ZSCAN1: variants seen among roughly 807,000 people sequenced by gnomAD.
The protein encoded by ZSCAN1 is zinc finger and SCAN domain containing 1.
ZSCAN1 carries 23 observed loss-of-function variants against 23.8 expected under a neutral mutation model. The ratio of observed to expected loss-of-function variants is 0.97; its 90% confidence interval spans 0.70 to 1.37. The LOEUF (loss-of-function observed/expected upper bound fraction) is 1.37, where lower values mean the gene tolerates loss of function less well. ZSCAN1 is among the 40% of genes most tolerant of loss of function. ZSCAN1 has a pLI of 0.00. For missense variants in ZSCAN1, 575 were observed against 554.0 expected (o/e 1.04, Z -0.38); for synonymous variants, 236 against 232.3 (o/e 1.02, Z -0.15).
intron 4 of ZSCAN1, among the ~76,000 whole-genome samples, chr19:58,051,821 CT>C (rs1039016924): frequency 6.6e-6 from 1 of 152,244 alleles, no homozygotes; most frequent in Non-Finnish European, 1.5e-5. Context: ...AGAGCTAAAG[CT>C]CCTCATCCAG....
chr19:58,053,659 A>G lies in ZSCAN1; in HGVS notation c.835A>G (p.Ile279Val). ...KGGTQEAVAG[I>V]SVVPRGPRGG... The stretch of plus-strand genomic sequence containing the variant: ...TGGTACCCAAGAGGCTGTTGCAGGC[A>G]TCTCGGTAGTGCCGCGTGGGCCCCG... The change falls in exon 6 of 6, where the codon ATC becomes GTC. Residue 279 changes from isoleucine to valine, a missense_variant. Physicochemically the swap from Ile to Val is conservative, Grantham distance 29. Transcript: ENST00000282326. The surrounding 1 kb of genome is among the most constrained non-coding windows in gnomAD (Gnocchi z 5.8). 6.2e-7 allele frequency: 1 copy of G among 1,614,146 alleles called. No individual in the cohort carries two copies. Among genetic ancestry groups the G allele is most frequent in the Non-Finnish European group, 8.5e-7 (1 of 1,180,030 alleles).
At chr19:58,046,614 C>T (rs1568604544) in intron 4 of ZSCAN1, 7 of 841,722 alleles carry the variant, frequency 8.3e-6, no homozygotes, top group South Asian at 2.7e-5. Context: ...GCAAGGTCAA[C>T]GTCGACCACC....
At chr19:58,038,431 C>T (rs2123420837) in intron 3 of ZSCAN1, 1 of 630,146 alleles carries the variant, frequency 1.6e-6, no homozygotes, top group Non-Finnish European at 2.8e-6. Context: ...TTAAAGATCC[C>T]TCCATTTCCC....
Position 58,045,079 on chromosome 19 carries a change from AC to A in ZSCAN1, c.465+4537del. The A allele has an allele frequency of 8.3e-7, 1 of 1,198,220 alleles. No individual in the cohort carries two copies. The highest frequency in any genetic ancestry group is 1.2e-6 in the Non-Finnish European group (1 of 804,910). The allele number at this position is 1,198,220 out of a possible 1,614,324, so 74.2% of individuals were successfully genotyped here. A position where few individuals can be genotyped will look rare whatever the true frequency, so the allele number is the denominator to read the frequency against. ...GTGCTGGGCGAGCTGAGGCACTACT[AC>A]CATGGCTTCCGCCTGCTACGGATCC... On this transcript the variant is annotated intron_variant, in intron 4 of 5. Coordinates refer to ENST00000282326, the MANE Select transcript of ZSCAN1 (RefSeq NM_182572.4). This position sits in a 1 kb window ranked among gnomAD's most constrained non-coding sequence, Gnocchi z 4.3.
chr19:58,039,845 G>T (rs1450702446), intron 3 of ZSCAN1, among the ~76,000 whole-genome samples: 2 of 149,388 alleles, frequency 1.3e-5, no homozygotes, highest in African/African-American at 4.9e-5. Context: ...TAGTCCTGTT[G>T]TCCCCCGCTC....
Position 58,053,418 on chromosome 19 carries a change from G to C in ZSCAN1, c.605-11G>C, listed in dbSNP as rs746289719. ...TCACTACAGGTGACCCATCTCCCTC[G>C]CCCTCCACAGGGTCCCGGGCCCGCT... is the stretch of plus-strand genomic sequence containing the variant. On this transcript the variant is annotated splice_polypyrimidine_tract_variant and intron_variant, in intron 5 of 5. Transcript: ENST00000282326. The surrounding 1 kb of genome is among the most constrained non-coding windows in gnomAD (Gnocchi z 5.8). The C allele has an allele frequency of 3.7e-6, 6 of 1,600,650 alleles. No homozygotes were observed. Among genetic ancestry groups the C allele is most frequent in the Non-Finnish European group, 3.4e-6 (4 of 1,171,240 alleles).
In ZSCAN1 at chr19:58,040,556, G is replaced by C; in HGVS notation, c.465+12G>C. Reference sequence around the variant, plus strand: ...AAGAACCATCGCAGGTGAGCCCGGGGCCCCCAGCTCCGTGCTCCTGCACCC... The same window carrying C: ...AAGAACCATCGCAGGTGAGCCCGGGCCCCCCAGCTCCGTGCTCCTGCACCC... On this transcript the variant is annotated intron_variant, in intron 4 of 5. Transcript: ENST00000282326. The surrounding 1 kb of genome is among the most constrained non-coding windows in gnomAD (Gnocchi z 5.8). 1.9e-6 allele frequency: 3 copies of C among 1,612,940 alleles called. No individual in the cohort carries two copies. Among genetic ancestry groups the C allele is most frequent in the Non-Finnish European group, 2.5e-6 (3 of 1,179,824 alleles).
chr19:58,046,936 A>G (rs1012838232), intron 4 of ZSCAN1, among the ~76,000 whole-genome samples: 12 of 152,192 alleles, frequency 7.9e-5, no homozygotes, highest in Non-Finnish European at 2.9e-5. Context: ...CGGAGCTTCA[A>G]TCTGTCTGGA....
At position 58,054,238 on chromosome 19, in the gene ZSCAN1, TC is replaced by T; in HGVS notation, c.*190del. 2 of 696,476 alleles carry T rather than the reference TC, an allele frequency of 2.9e-6. No homozygotes were observed. The highest frequency in any genetic ancestry group is 2.2e-6 in the Non-Finnish European group (1 of 445,462). The allele number at this position is 696,476 out of a possible 1,614,324, so 43.1% of individuals were successfully genotyped here. On this transcript the variant is annotated 3_prime_UTR_variant, in exon 6 of 6. Coordinates refer to ENST00000282326, the MANE Select transcript of ZSCAN1 (RefSeq NM_182572.4). This position sits in a 1 kb window ranked among gnomAD's most constrained non-coding sequence, Gnocchi z 4.2. ...CCGAAGCCAAGCACGGGATGGGGCT[TC>T]CCAGGGTCTCAGCTGAGAAGCAGCA...
chr19:58,040,318 G>A lies in ZSCAN1; in HGVS notation c.371-132G>A, dbSNP rs1599901373. 1 of 904,238 alleles carries A rather than the reference G, an allele frequency of 1.1e-6. No homozygotes were observed. The highest frequency in any genetic ancestry group is 1.7e-6 in the Non-Finnish European group (1 of 574,806). The allele number at this position is 904,238 out of a possible 1,614,324, so 56.0% of individuals were successfully genotyped here. The stretch of plus-strand genomic sequence containing the variant: ...CATGGAGGGACAGAATGACAGCCCT[G>A]CAGCCACTCTTGCCTGCGCCTCAGG... On this transcript the variant is annotated intron_variant, in intron 3 of 5. Coordinates refer to ENST00000282326, the MANE Select transcript of ZSCAN1 (RefSeq NM_182572.4). The surrounding 1 kb of genome is among the most constrained non-coding windows in gnomAD (Gnocchi z 5.8).
rs901275001 is a variant in ZSCAN1, at chr19:58,049,398, C to T, written c.466-3092C>T. ...ACCATCATCCGGCAGATCTTGGATC[C>T]CTCTGCGATTTCCTCTGTATTGGTT... On this transcript the variant is annotated intron_variant, in intron 4 of 5. Transcript: ENST00000282326. The surrounding 1 kb of genome is among the most constrained non-coding windows in gnomAD (Gnocchi z 4.5). 3.3e-5 allele frequency: 5 copies of T among 152,270 alleles called. No homozygotes were observed. Among genetic ancestry groups the T allele is most frequent in the African/African-American group, 1.2e-4 (5 of 41,416 alleles). The allele number at this position is 152,270 out of a possible 1,614,324, so 9.4% of individuals were successfully genotyped here.
chr19:58,044,811 G>A, intron 4 of ZSCAN1: 1 of 734,266 alleles, frequency 1.4e-6, no homozygotes. Flanking sequence ...GTTGGACTCT[G>A]AGGCCCGAGT....
In ZSCAN1 at chr19:58,047,869, G is replaced by C. The variant is rs1312661388; in HGVS notation, c.466-4621G>C. Among the ~76,000 whole-genome samples, 1 of 152,232 alleles carries C rather than the reference G, an allele frequency of 6.6e-6. No homozygotes were observed. The highest frequency in any genetic ancestry group is 1.5e-5 in the Non-Finnish European group (1 of 68,042). ...TGGGGTGGCCTCCCTGCACTCGGCA[G>C]CATGGTCGGGCTGGCGAGGGCGTGG... On this transcript the variant is annotated intron_variant, in intron 4 of 5. Transcript: ENST00000282326. The surrounding 1 kb of genome is among the most constrained non-coding windows in gnomAD (Gnocchi z 4.9).
In ZSCAN1 at chr19:58,045,072, CACT is replaced by C; in HGVS notation, c.465+4534_465+4536del. On this transcript the variant is annotated intron_variant, in intron 4 of 5. Transcript: ENST00000282326. The surrounding 1 kb of genome is among the most constrained non-coding windows in gnomAD (Gnocchi z 4.3). Reference sequence around the variant, plus strand: ...AGAGAGGGTGCTGGGCGAGCTGAGGCACTACTACCATGGCTTCCGCCTGCTACG... The same window carrying C: ...AGAGAGGGTGCTGGGCGAGCTGAGGCACTACCATGGCTTCCGCCTGCTACG... 1.7e-6 allele frequency: 2 copies of C among 1,155,782 alleles called. No individual in the cohort carries two copies. Among genetic ancestry groups the C allele is most frequent in the South Asian group, 2.5e-5 (2 of 81,042 alleles). The allele number at this position is 1,155,782 out of a possible 1,614,324, so 71.6% of individuals were successfully genotyped here.
intron 4 of ZSCAN1, among the ~76,000 whole-genome samples, chr19:58,043,220 C>T (rs1462808603): frequency 6.6e-6 from 1 of 152,250 alleles, no homozygotes; most frequent in African/African-American, 2.4e-5. Context: ...CATACAACCG[C>T]CTACCATCGG....
In ZSCAN1 at chr19:58,053,693, G is replaced by A. The variant is rs1486181551; in HGVS notation, c.869G>A (p.Arg290Gln). Reference protein sequence around the residue: ...SVVPRGPRGGRPFQCADCGMV... With the variant: ...SVVPRGPRGGQPFQCADCGMV... ...GTGCCGCGTGGGCCCCGAGGTGGGC[G>A]GCCCTTCCAGTGTGCCGACTGTGGG... Residue 290 changes from arginine (R) to glutamine (Q), a missense_variant, in exon 6 of 6, where the codon CGG becomes CAG. Coordinates refer to ENST00000282326, the MANE Select transcript of ZSCAN1 (RefSeq NM_182572.4). The surrounding 1 kb of genome is among the most constrained non-coding windows in gnomAD (Gnocchi z 5.8). The A allele has an allele frequency of 8.7e-6, 14 of 1,614,032 alleles. No individual in the cohort carries two copies. Among genetic ancestry groups the A allele is most frequent in the Non-Finnish European group, 1.1e-5 (13 of 1,180,030 alleles).
chr19:58,038,267 G>A (rs1052175492), intron 3 of ZSCAN1, 61 bp downstream of exon 3: 5 of 1,541,854 alleles, frequency 3.2e-6, no homozygotes, highest in Admixed American at 1.9e-5. Flanking sequence ...TCCGAGGACC[G>A]AACTGCCCTC....
Position 58,045,797 on chromosome 19 carries a change from C to G in ZSCAN1, c.465+5253C>G. ...GACCTGCACCTGCATCAGGAGATCC[C>G]CACATCGCTGCTCATCCTGTCCCGG... is the stretch of plus-strand genomic sequence containing the variant. On this transcript the variant is annotated intron_variant, in intron 4 of 5. Coordinates refer to ENST00000282326, the MANE Select transcript of ZSCAN1 (RefSeq NM_182572.4). The surrounding 1 kb of genome is among the most constrained non-coding windows in gnomAD (Gnocchi z 4.3). 1 of 1,559,586 alleles carries G rather than the reference C, an allele frequency of 6.4e-7. No individual in the cohort carries two copies. Among genetic ancestry groups the G allele is most frequent in the Non-Finnish European group, 8.8e-7 (1 of 1,131,228 alleles).
In ZSCAN1 at chr19:58,049,669, A is replaced by C. The variant is rs1328674327; in HGVS notation, c.466-2821A>C. Among the ~76,000 whole-genome samples, 1 of 152,092 alleles carries C rather than the reference A, an allele frequency of 6.6e-6. No homozygotes were observed. Among genetic ancestry groups the C allele is most frequent in the African/African-American group, 2.4e-5 (1 of 41,420 alleles). On this transcript the variant is annotated intron_variant, in intron 4 of 5. Coordinates refer to ENST00000282326, the MANE Select transcript of ZSCAN1 (RefSeq NM_182572.4). The surrounding 1 kb of genome is among the most constrained non-coding windows in gnomAD (Gnocchi z 4.5). ...CTGCCCGAAGCCCTTTGAGGGTAGCACTCTAAGGTCCCTGAGATCCCATGG... is the reference window on the plus strand; with the variant it reads ...CTGCCCGAAGCCCTTTGAGGGTAGCCCTCTAAGGTCCCTGAGATCCCATGG...
Sources: allele counts gnomAD v4.1 joint callset (sites outside exome capture counted in the v4.1 genomes callset), GRCh38; gene constraint gnomAD v4.1.1; non-coding constraint Gnocchi (gnomAD v3.1); transcripts MANE v1.5; gene names NCBI Gene and HGNC (gene_info 2026-07-23, HGNC 2026-07-21).